Variants in MALRD1 observed in about 807,000 individuals in gnomAD.
MALRD1 encodes the protein MAM and LDL receptor class A domain containing 1.
Under a neutral mutation model 242.1 loss-of-function variants are expected in MALRD1, and 247 were observed. The ratio of observed to expected loss-of-function variants is 1.02; its 90% CI spans 0.92 to 1.13. MALRD1 has a LOEUF of 1.13. MALRD1 is among the 50% of genes most tolerant of loss of function. MALRD1 has a pLI of 0.00. For missense variants in MALRD1, 2,989 were observed against 2,533.1 expected, an observed-to-expected ratio of 1.18 and a Z score of -3.86; for synonymous variants, 995 against 866.6, an observed-to-expected ratio of 1.15 and a Z score of -2.60.
At chr10:19,147,469 C>T (rs987433117) in intron 11 of MALRD1, among the ~76,000 whole-genome samples, 1 of 152,022 alleles carries the variant, frequency 6.6e-6, no homozygotes, top group African/African-American at 2.4e-5. Flanking sequence ...TTGTGGCAGA[C>T]AAAGTTAAGT....
At chr10:19,570,674 G>T (rs1187457566) in intron 33 of MALRD1, among the ~76,000 whole-genome samples, 1 of 151,996 alleles carries the variant, frequency 6.6e-6, no homozygotes. Context: ...ACAAGAGTCT[G>T]TTGTTAAGTG....
At chr10:19,703,581 T>C (rs2131852236) in intron 38 of MALRD1, among the ~76,000 whole-genome samples, 1 of 152,318 alleles carries the variant, frequency 6.6e-6, no homozygotes, top group Non-Finnish European at 1.5e-5. Context: ...ATCAAATCTA[T>C]ATCTGTAAAT....
At chr10:19,614,197 C>G (rs980610400) in intron 35 of MALRD1, among the ~76,000 whole-genome samples, 2 of 152,004 alleles carry the variant, frequency 1.3e-5, no homozygotes, top group African/African-American at 4.8e-5. Flanking sequence ...AGAAAGCAAA[C>G]AGAGGCACAG....
intron 1 of MALRD1, among the ~76,000 whole-genome samples, chr10:19,060,570 T>C (rs1444096098): frequency 6.6e-6 from 1 of 152,150 alleles, no homozygotes; most frequent in African/African-American, 2.4e-5. Flanking sequence ...ATTGTGGTTT[T>C]CCAATTCTAA....
intron 31 of MALRD1, among the ~76,000 whole-genome samples, chr10:19,502,026 GAAAA>G (rs1837998526): frequency 1.9e-5 from 1 of 51,298 alleles, no homozygotes; most frequent in Non-Finnish European, 3.9e-5. Flanking sequence ...AAAAAAAAAA[GAAAA>G]GAAAAGAAAA....
chr10:19,492,840 C>A (rs1411217635), intron 30 of MALRD1, among the ~76,000 whole-genome samples: 1 of 152,102 alleles, frequency 6.6e-6, no homozygotes, highest in East Asian at 1.9e-4. Context: ...TGTAGGGTGA[C>A]CTTTTTGGAG....
chr10:19,642,198 A>T (rs1434439365), intron 36 of MALRD1, among the ~76,000 whole-genome samples: 1 of 152,178 alleles, frequency 6.6e-6, no homozygotes, highest in East Asian at 1.9e-4. Flanking sequence ...TAGAAACCAG[A>T]TGACAGACTA....
intron 33 of MALRD1, among the ~76,000 whole-genome samples, chr10:19,592,195 G>A (rs4111914): frequency 0.56 from 84,551 of 152,108 alleles, 23,875 homozygotes; most frequent in African/African-American, 0.67. Flanking sequence ...CCAAATCAGA[G>A]ATTTCTTAGA....
chr10:19,060,881 G>C (rs189604888), intron 1 of MALRD1, among the ~76,000 whole-genome samples: 1 of 152,164 alleles, frequency 6.6e-6, no homozygotes, highest in African/African-American at 2.4e-5. Context: ...CATGGAATCA[G>C]CCTAAATGCC....
intron 2 of MALRD1, among the ~76,000 whole-genome samples, 183 bp from the exon 3 acceptor site, chr10:19,087,657 G>A (rs187970947): frequency 3.2e-4 from 49 of 151,782 alleles, no homozygotes; most frequent in Admixed American, 1.1e-3. Context: ...CATGGAGAAT[G>A]GGGTATCCAT....
intron 10 of MALRD1, among the ~76,000 whole-genome samples, chr10:19,142,134 T>G (rs963718458): frequency 2.4e-5 from 3 of 123,930 alleles, no homozygotes; most frequent in African/African-American, 3.2e-5. Context: ...ATTGCACCAC[T>G]GCACTCCAGC....
At chr10:19,711,563 G>T (rs575555830) in intron 38 of MALRD1, among the ~76,000 whole-genome samples, 1 of 151,872 alleles carries the variant, frequency 6.6e-6, no homozygotes, top group African/African-American at 2.4e-5. Flanking sequence ...TGATAATATG[G>T]AAGGTTGAGA....
intron 39 of MALRD1, among the ~76,000 whole-genome samples, chr10:19,732,076 C>T (rs1835318612): frequency 6.6e-6 from 1 of 151,806 alleles, no homozygotes; most frequent in Non-Finnish European, 1.5e-5. Flanking sequence ...TTTCCTAAAG[C>T]ACAGAGAAAA....
chr10:19,055,896 A>G (rs2131211032), intron 1 of MALRD1, among the ~76,000 whole-genome samples: 1 of 152,180 alleles, frequency 6.6e-6, no homozygotes, highest in South Asian at 2.1e-4. Context: ...ATTGCGTACT[A>G]TTCTTATTAC....
At chr10:19,326,250 A>G (rs1843131551) in intron 22 of MALRD1, among the ~76,000 whole-genome samples, 2 of 152,102 alleles carry the variant, frequency 1.3e-5, no homozygotes, top group Admixed American at 6.6e-5. Context: ...TAAAATGAGA[A>G]TTATTTGCCT....
At chr10:19,171,679 C>T (rs1834965716) in intron 13 of MALRD1, among the ~76,000 whole-genome samples, 1 of 138,842 alleles carries the variant, frequency 7.2e-6, no homozygotes, top group African/African-American at 2.6e-5. Flanking sequence ...TATAAATACA[C>T]ACATATATGT....
intron 14 of MALRD1, among the ~76,000 whole-genome samples, chr10:19,194,000 G>C (rs1021039577): frequency 1.3e-5 from 2 of 151,698 alleles, no homozygotes; most frequent in African/African-American, 4.8e-5. Flanking sequence ...CATACATTTT[G>C]TTCATCTACA....
At chr10:19,678,946 G>A (rs111302913) in intron 36 of MALRD1, among the ~76,000 whole-genome samples, 9,311 of 152,212 alleles carry the variant, frequency 0.061, 442 homozygotes, top group Non-Finnish European at 0.086. Context: ...CTGTTTATGT[G>A]ATGAATTATG....
chr10:19,244,665 T>C (rs186857308), intron 18 of MALRD1, among the ~76,000 whole-genome samples: 127 of 152,310 alleles, frequency 8.3e-4, no homozygotes, highest in Admixed American at 3.6e-3. Context: ...TGGCCATTGC[T>C]ACTTGCATTT....
Sources: gnomAD v4.1 joint callset for allele counts (sites outside exome capture counted in the v4.1 genomes callset) on GRCh38, gnomAD v4.1.1 for gene constraint, MANE v1.5 for transcripts, NCBI Gene and HGNC (gene_info 2026-07-23, HGNC 2026-07-21) for gene names.